PSD3: variants seen among roughly 807,000 people sequenced by gnomAD.
PSD3 encodes the protein pleckstrin and Sec7 domain containing 3.
In PSD3, 49 loss-of-function variants were observed where a neutral mutation model predicts 105.5. The ratio of observed to expected loss-of-function variants is 0.46; its 90% CI spans 0.37 to 0.59. The LOEUF (loss-of-function observed/expected upper bound fraction) is 0.59. Among genes scored for constraint, PSD3 ranks in the 20% least tolerant of loss-of-function variants. The probability of loss-of-function intolerance (pLI) is 0.00; values close to 1 mark genes in which losing one functional copy is unlikely to be tolerated. For synonymous variants in PSD3, 557 were observed against 457.8 expected, an observed-to-expected ratio of 1.22 and a Z score of -2.77; for missense variants, 1,561 against 1,263.8, an observed-to-expected ratio of 1.24 and a Z score of -3.57.
intron 1 of PSD3, among the ~76,000 whole-genome samples, chr8:18,980,487 T>C (rs780245017): frequency 6.6e-6 from 1 of 152,210 alleles, no homozygotes; most frequent in Non-Finnish European, 1.5e-5. Context: ...GTTTTATCAG[T>C]CTGACAATCT....
chr8:18,872,551 C>T lies in PSD3; in HGVS notation c.313G>A (p.Asp105Asn), dbSNP rs376815554. The stretch of plus-strand genomic sequence containing the variant: ...TCTTTTGGTCCTTCTGTAACACTGT[C>T]GAGCCCAGAGTGGCAGCCAGTAAGA... The part of the protein sequence containing the change: ...QPLTGCHSGL[D>N]SVTEGPKDVR... Residue 105 changes from aspartate to asparagine, a missense_variant, in exon 3 of 16, where the codon GAC (aspartate) becomes AAC (asparagine). Coordinates refer to ENST00000327040, the MANE Select transcript of PSD3 (RefSeq NM_015310.4). 2.5e-5 allele frequency: 41 copies of T among 1,613,880 alleles called. No homozygotes were observed. In the East Asian group the frequency reaches 4.5e-4, roughly 18 times the overall value.
chr8:18,573,094 G>C lies in PSD3; in HGVS notation c.2640-422C>G, dbSNP rs10085944. 2.9e-3 allele frequency among the ~76,000 whole-genome samples: 449 copies of C among 152,288 alleles called. 4 individuals are homozygous for C. Among genetic ancestry groups the C allele is most frequent in the African/African-American group, 0.01 (420 of 41,556 alleles). On this transcript the variant is annotated intron_variant, in intron 13 of 15. Coordinates refer to ENST00000327040, the MANE Select transcript of PSD3 (RefSeq NM_015310.4). ...GATTTATCTACTTTGGAAAACAGCT[G>C]ACAGGTTCTTCGAAAGTTAACTGTG...
chr8:18,747,930 C>A (rs1389074867), intron 9 of PSD3, among the ~76,000 whole-genome samples: 1 of 151,980 alleles, frequency 6.6e-6, no homozygotes, highest in Non-Finnish European at 1.5e-5. Flanking sequence ...GGAAGGAAAA[C>A]AAACTCTGGC....
chr8:18,911,271 G>C (rs1484164231), intron 2 of PSD3, among the ~76,000 whole-genome samples: 1 of 152,164 alleles, frequency 6.6e-6, no homozygotes, highest in Non-Finnish European at 1.5e-5. Context: ...AGCCAGAGAA[G>C]TTAAATAATG....
At chr8:18,990,850 C>A (rs1825752325) in intron 1 of PSD3, among the ~76,000 whole-genome samples, 1 of 152,138 alleles carries the variant, frequency 6.6e-6, no homozygotes, top group African/African-American at 2.4e-5. Context: ...TGCAGTGTTA[C>A]ACTAACAGTC....
chr8:18,614,598 T>C (rs951402751), intron 11 of PSD3, among the ~76,000 whole-genome samples: 1 of 152,034 alleles, frequency 6.6e-6, no homozygotes, highest in African/African-American at 2.4e-5. Flanking sequence ...TTTTCATGGG[T>C]TAATTAAAGA....
At chr8:18,578,425 T>G (rs536732045) in intron 12 of PSD3, among the ~76,000 whole-genome samples, 12 of 152,250 alleles carry the variant, frequency 7.9e-5, no homozygotes, top group African/African-American at 2.9e-4. Context: ...AAATTCTTCC[T>G]CAGCTTTTTG....
At chr8:19,075,725 T>C (rs182180296) in intron 1 of PSD3, among the ~76,000 whole-genome samples, 2 of 152,330 alleles carry the variant, frequency 1.3e-5, no homozygotes, top group East Asian at 3.9e-4. Context: ...GACTAAAGTA[T>C]TAAACCTTTG....
intron 14 of PSD3, among the ~76,000 whole-genome samples, chr8:18,557,658 T>A (rs905642100): frequency 6.6e-6 from 1 of 152,062 alleles, no homozygotes; most frequent in Non-Finnish European, 1.5e-5. Flanking sequence ...ATGCCAACTA[T>A]AACAAAACAA....
chr8:18,585,898 T>C (rs1194234893), intron 12 of PSD3, among the ~76,000 whole-genome samples: 2 of 152,142 alleles, frequency 1.3e-5, no homozygotes, highest in Non-Finnish European at 2.9e-5. Context: ...TGACAAGGCA[T>C]GTCTACTTAC....
At chr8:18,657,841 G>C (rs1394775543) in intron 9 of PSD3, among the ~76,000 whole-genome samples, 7 of 152,164 alleles carry the variant, frequency 4.6e-5, no homozygotes, top group Non-Finnish European at 7.4e-5. Flanking sequence ...ATATTACCCA[G>C]AGTAATTCAA....
At chr8:18,798,871 A>G (rs1216198978) in intron 8 of PSD3, among the ~76,000 whole-genome samples, 1 of 139,574 alleles carries the variant, frequency 7.2e-6, no homozygotes, top group Non-Finnish European at 1.6e-5. Context: ...AAGACTAGAT[A>G]AGCTGAGGGG....
At position 18,643,251 on chromosome 8, in the gene PSD3, C is replaced by G. The variant is rs192658743; in HGVS notation, c.2217-10445G>C. ...ACTTGGTTTTATAAGAAACCCACTC[C>G]TGCAGTAACAACCTTAATCCACTCA... On this transcript the variant is annotated intron_variant, in intron 10 of 15. Transcript: ENST00000327040. 8.8e-4 allele frequency among the ~76,000 whole-genome samples: 134 copies of G among 152,272 alleles called. 1 individual carries two copies. The highest frequency in any genetic ancestry group is 3.0e-3 in the African/African-American group (126 of 41,564).
chr8:18,985,059 G>A (rs1423230764), intron 1 of PSD3, among the ~76,000 whole-genome samples: 2 of 152,104 alleles, frequency 1.3e-5, no homozygotes, highest in African/African-American at 4.8e-5. Context: ...TCAGTCTCCG[G>A]AGTAGCTGGG....
At chr8:18,913,755 G>C (rs543691146) in intron 2 of PSD3, among the ~76,000 whole-genome samples, 2 of 151,690 alleles carry the variant, frequency 1.3e-5, no homozygotes, top group Admixed American at 1.3e-4. Context: ...AGGACTGCCC[G>C]TACAGGCCCA....
At chr8:18,842,819 C>T (rs960998047) in intron 4 of PSD3, among the ~76,000 whole-genome samples, 1 of 152,066 alleles carries the variant, frequency 6.6e-6, no homozygotes. Context: ...TTTAGACAAA[C>T]ATCTATCAGG....
At chr8:18,610,833 A>C in intron 11 of PSD3, among the ~76,000 whole-genome samples, 1 of 80,254 alleles carries the variant, frequency 1.2e-5, no homozygotes, top group South Asian at 7.0e-4. Context: ...GAAATGCCAG[A>C]AAGTATCATA....
chr8:18,783,092 G>A (rs1387550320), intron 8 of PSD3, among the ~76,000 whole-genome samples: 4 of 152,054 alleles, frequency 2.6e-5, no homozygotes, highest in Admixed American at 6.6e-5. Context: ...TTTAAATGTC[G>A]ATGCAATTCA....
At chr8:18,980,273 G>A (rs1027072936) in intron 1 of PSD3, among the ~76,000 whole-genome samples, 6 of 152,188 alleles carry the variant, frequency 3.9e-5, no homozygotes, top group Non-Finnish European at 7.3e-5. Flanking sequence ...GATCACCTCC[G>A]CTGCACTTAG....
Sources: gnomAD v4.1 joint callset for allele counts (sites outside exome capture counted in the v4.1 genomes callset) on GRCh38, gnomAD v4.1.1 for gene constraint, MANE v1.5 for transcripts, NCBI Gene and HGNC (gene_info 2026-07-23, HGNC 2026-07-21) for gene names.